The following NELL1 variants were observed in gnomAD, a reference collection of about 807,000 sequenced individuals.
NELL1 encodes protein kinase C-binding protein NELL1.
NELL1 carries 76 observed loss-of-function variants against 107.4 expected under a neutral mutation model. That is an observed-to-expected ratio of 0.71 (90% CI 0.59 to 0.86). NELL1 has a LOEUF of 0.86. Ranked by LOEUF, NELL1 falls within the 40% of genes least tolerant of loss-of-function variation. The pLI is 0.00. For missense variants in NELL1, 1,024 were observed against 1,005.5 expected (o/e 1.02, Z -0.25); for synonymous variants, 353 against 341.2 (o/e 1.03, Z -0.38).
At chr11:20,896,968 A>G (rs1437040235) in intron 5 of NELL1, among the ~76,000 whole-genome samples, 4 of 152,160 alleles carry the variant, frequency 2.6e-5, no homozygotes, top group Non-Finnish European at 5.9e-5. Context: ...AATCAATATC[A>G]TGAAAATGGC....
intron 2 of NELL1, among the ~76,000 whole-genome samples, chr11:20,712,166 GT>G (rs1344617195): frequency 6.6e-6 from 1 of 151,780 alleles, no homozygotes; most frequent in East Asian, 1.9e-4. Flanking sequence ...TTTTTTCTTT[GT>G]TTTTATCTGA....
intron 14 of NELL1, among the ~76,000 whole-genome samples, chr11:21,344,022 C>A (rs1339275874): frequency 6.6e-6 from 1 of 152,162 alleles, no homozygotes; most frequent in African/African-American, 2.4e-5. Flanking sequence ...TTGTACCAAG[C>A]AGATGTGCCC....
chr11:21,425,338 A>G (rs1330711054), intron 15 of NELL1, among the ~76,000 whole-genome samples: 1 of 152,198 alleles, frequency 6.6e-6, no homozygotes, highest in African/African-American at 2.4e-5. Flanking sequence ...AGTTATGAAA[A>G]TGGTTGGAGG....
intron 6 of NELL1, among the ~76,000 whole-genome samples, chr11:20,918,651 C>A (rs1027145785): frequency 1.3e-5 from 2 of 151,912 alleles, no homozygotes; most frequent in Non-Finnish European, 2.9e-5. Context: ...ATAAAACCAT[C>A]AGATCTTGTG....
At chr11:21,300,724 A>G (rs1481393619) in intron 14 of NELL1, among the ~76,000 whole-genome samples, 1 of 151,980 alleles carries the variant, frequency 6.6e-6, no homozygotes, top group Non-Finnish European at 1.5e-5. Flanking sequence ...ATTCGCACCA[A>G]TAACATTTTC....
At chr11:20,999,166 G>C (rs149741006) in intron 12 of NELL1, among the ~76,000 whole-genome samples, 4 of 152,288 alleles carry the variant, frequency 2.6e-5, no homozygotes, top group Middle Eastern at 6.8e-3. Flanking sequence ...AAGCCTGTAA[G>C]ACTCTCAGAA....
chr11:21,547,643 T>C (rs1856476558), intron 16 of NELL1, among the ~76,000 whole-genome samples: 1 of 151,992 alleles, frequency 6.6e-6, no homozygotes, highest in African/African-American at 2.4e-5. Context: ...TCTATCAATG[T>C]GATTTTCTGC....
chr11:21,306,461 A>G (rs958826217), intron 14 of NELL1, among the ~76,000 whole-genome samples: 1 of 152,058 alleles, frequency 6.6e-6, no homozygotes, highest in Non-Finnish European at 1.5e-5. Flanking sequence ...AAGTATAATA[A>G]TAATGATGAT....
At chr11:21,030,852 G>T (rs1852939241) in intron 12 of NELL1, among the ~76,000 whole-genome samples, 1 of 151,646 alleles carries the variant, frequency 6.6e-6, no homozygotes, top group African/African-American at 2.4e-5. Context: ...TCCTTCCAGG[G>T]TTTTACTATG....
Position 20,681,343 on chromosome 11 carries a change from T to C in NELL1, c.184+3283T>C, listed in dbSNP as rs113486711. The stretch of plus-strand genomic sequence containing the variant: ...CTAAATATCCAAGTTTATTTTACTT[T>C]CCACATAACTACAGGACAAAATGCA... On this transcript the variant is annotated intron_variant, in intron 2 of 19. Transcript: ENST00000357134. Among the ~76,000 whole-genome samples, 790 of 152,222 alleles carry C rather than the reference T, an allele frequency of 5.2e-3. 10 individuals are homozygous for C. The highest frequency in any genetic ancestry group is 0.017 in the African/African-American group (722 of 41,526).
At chr11:21,277,622 C>T (rs1033067604) in intron 14 of NELL1, among the ~76,000 whole-genome samples, 1 of 152,176 alleles carries the variant, frequency 6.6e-6, no homozygotes. Flanking sequence ...CGGCACTATT[C>T]ATAATAGCAA....
chr11:20,947,798 A>G (rs1035408515), intron 11 of NELL1, among the ~76,000 whole-genome samples: 1 of 152,094 alleles, frequency 6.6e-6, no homozygotes, highest in African/African-American at 2.4e-5. Context: ...CATGAGTGAG[A>G]TTGGGAAGCA....
chr11:20,968,238 A>G (rs1205428241), intron 12 of NELL1, among the ~76,000 whole-genome samples: 1 of 152,152 alleles, frequency 6.6e-6, no homozygotes, highest in Non-Finnish European at 1.5e-5. Context: ...AAGTTTTATT[A>G]TCTGACCCTT....
At chr11:21,003,395 T>G (rs1285321690) in intron 12 of NELL1, among the ~76,000 whole-genome samples, 1 of 152,178 alleles carries the variant, frequency 6.6e-6, no homozygotes. Flanking sequence ...ATGCAATGGT[T>G]ACTAAAATGC....
At chr11:20,753,938 A>G (rs1195548761) in intron 2 of NELL1, among the ~76,000 whole-genome samples, 1 of 152,192 alleles carries the variant, frequency 6.6e-6, no homozygotes, top group East Asian at 1.9e-4. Context: ...AAGCAGAACA[A>G]AACTTCTGGA....
At chr11:20,735,391 A>G (rs904420380) in intron 2 of NELL1, among the ~76,000 whole-genome samples, 2 of 152,192 alleles carry the variant, frequency 1.3e-5, no homozygotes, top group Non-Finnish European at 2.9e-5. Context: ...GGAGAAGCAA[A>G]CATGTTCTTC....
intron 14 of NELL1, among the ~76,000 whole-genome samples, chr11:21,235,856 T>C (rs1051923901): frequency 2.0e-5 from 3 of 152,128 alleles, no homozygotes; most frequent in Non-Finnish European, 1.5e-5. Context: ...TACAGAATAA[T>C]GGAAAAACAT....
intron 14 of NELL1, among the ~76,000 whole-genome samples, chr11:21,361,618 C>G (rs1346910249): frequency 3.3e-5 from 5 of 152,104 alleles, no homozygotes; most frequent in Non-Finnish European, 4.4e-5. Flanking sequence ...TCAGGAACAC[C>G]AATTATCCTT....
chr11:20,906,561 A>G (rs921277583), intron 5 of NELL1, among the ~76,000 whole-genome samples: 3 of 152,238 alleles, frequency 2.0e-5, no homozygotes, highest in Admixed American at 1.3e-4. Context: ...ATTACAGACC[A>G]GTATCTCTTA....
Sources: allele counts gnomAD v4.1 joint callset (sites outside exome capture counted in the v4.1 genomes callset), GRCh38; gene constraint gnomAD v4.1.1; transcripts MANE v1.5; gene names NCBI Gene and HGNC (gene_info 2026-07-23, HGNC 2026-07-21).